Variants in ARHGAP24 observed in about 807,000 individuals in gnomAD.
ARHGAP24 encodes rho GTPase-activating protein 24.
Under a neutral mutation model 76.4 loss-of-function variants are expected in ARHGAP24, and 50 were observed. The ratio of observed to expected loss-of-function variants is 0.65; its 90% CI spans 0.52 to 0.83. The LOEUF is 0.83. Ranked by LOEUF, ARHGAP24 falls within the 40% of genes least tolerant of loss-of-function variation. The probability of loss-of-function intolerance (pLI) is 0.00; values close to 1 mark genes in which losing one functional copy is unlikely to be tolerated. For missense variants in ARHGAP24, 930 were observed against 914.2 expected (o/e 1.02, Z -0.22); for synonymous variants, 345 against 323.3 (o/e 1.07, Z -0.72).
intron 2 of ARHGAP24, among the ~76,000 whole-genome samples, chr4:85,604,888 A>G (rs1197865563): frequency 1.3e-5 from 2 of 152,124 alleles, no homozygotes; most frequent in African/African-American, 4.8e-5. Flanking sequence ...AATTTTTTGT[A>G]TTTTTAGTAG....
At chr4:85,550,527 A>C (rs1310026426) in intron 1 of ARHGAP24, among the ~76,000 whole-genome samples, 1 of 151,998 alleles carries the variant, frequency 6.6e-6, no homozygotes, top group Non-Finnish European at 1.5e-5. Context: ...TGGCTATTAA[A>C]TCTCTTATTT....
chr4:85,514,944 T>C (rs919643901), intron 1 of ARHGAP24, among the ~76,000 whole-genome samples: 1 of 150,398 alleles, frequency 6.6e-6, no homozygotes, highest in South Asian at 2.1e-4. Context: ...GGATCCATAG[T>C]GAAGACATGC....
Position 86,000,631 on chromosome 4 carries a change from A to T in ARHGAP24, c.2156A>T (p.Gln719Leu). 3 of 1,614,138 alleles carry T rather than the reference A, an allele frequency of 1.9e-6. No individual in the cohort carries two copies. The highest frequency in any genetic ancestry group is 2.5e-6 in the Non-Finnish European group (3 of 1,179,990). ...EDAEKRNDMLQKEMEQFFSTF... is the reference protein window; with the variant it reads ...EDAEKRNDMLLKEMEQFFSTF... ...GCCGAGAAAAGAAATGACATGCTAC[A>T]GAAAGAAATGGAGCAGTTTTTTTCC... The change falls in exon 10 of 10, where the codon CAG becomes CTG. Residue 719 changes from glutamine to leucine, a missense_variant. By Grantham distance (113) the Gln-to-Leu change is moderately radical (BLOSUM62 -2). Coordinates refer to ENST00000395184, the MANE Select transcript of ARHGAP24 (RefSeq NM_001025616.3).
chr4:85,860,258 G>A (rs555897607), intron 3 of ARHGAP24, among the ~76,000 whole-genome samples: 38 of 152,168 alleles, frequency 2.5e-4, no homozygotes, highest in African/African-American at 8.4e-4. Flanking sequence ...AGAGAGATGG[G>A]GGAGTCAGGG....
rs897538719 is a variant in ARHGAP24, at chr4:85,697,621, G to A, written c.181-24264G>A. ...TAGGATAATATAGTTCTATTAATAT[G>A]TTCTAGAAGACAGGTTAACATACTA... On this transcript the variant is annotated intron_variant, in intron 2 of 9. Coordinates refer to ENST00000395184, the MANE Select transcript of ARHGAP24 (RefSeq NM_001025616.3). 2.6e-5 allele frequency among the ~76,000 whole-genome samples: 4 copies of A among 152,192 alleles called. 1 individual carries two copies. The highest frequency in any genetic ancestry group is 2.6e-4 in the Admixed American group (4 of 15,280).
chr4:85,969,647 T>G (rs1165482185), intron 5 of ARHGAP24, among the ~76,000 whole-genome samples: 1 of 152,006 alleles, frequency 6.6e-6, no homozygotes, highest in Non-Finnish European at 1.5e-5. Context: ...CAAGCTGTGG[T>G]TTTTTTACTA....
At chr4:85,954,905 G>A (rs969390092) in intron 5 of ARHGAP24, among the ~76,000 whole-genome samples, 3 of 152,240 alleles carry the variant, frequency 2.0e-5, no homozygotes. Context: ...AGCTCCTCAG[G>A]AGGCTGAGGC....
intron 4 of ARHGAP24, chr4:85,931,053 A>G: frequency 6.2e-7 from 1 of 1,605,070 alleles, no homozygotes; most frequent in Non-Finnish European, 8.5e-7. Flanking sequence ...GTAGGTAGAT[A>G]ATATGTTCAT....
chr4:85,840,084 C>T (rs1323757742), intron 3 of ARHGAP24, among the ~76,000 whole-genome samples: 4 of 149,156 alleles, frequency 2.7e-5, no homozygotes, highest in African/African-American at 5.0e-5. Context: ...TCAGGCTGGC[C>T]TCAAACTCCT....
intron 2 of ARHGAP24, among the ~76,000 whole-genome samples, chr4:85,621,675 G>A (rs1455944349): frequency 1.3e-5 from 2 of 151,946 alleles, no homozygotes. Context: ...TCCTTCATCA[G>A]ATTTATAGTT....
In ARHGAP24 at chr4:85,995,640, T is replaced by C; in HGVS notation, c.1986T>C (p.Tyr662=). ...KQEMTKQKIE[Y]ESRIKSLEQR... is the part of the protein sequence containing the mutation. ...AAATGACCAAACAGAAGATAGAGTA[T>C]GAGTCCAGGATAAAGAGGTAAGGAA... is the stretch of plus-strand genomic sequence containing the variant. Residue 662 remains tyrosine (Y), a synonymous_variant, in exon 9 of 10, where the codon TAT becomes TAC. Coordinates refer to ENST00000395184, the MANE Select transcript of ARHGAP24 (RefSeq NM_001025616.3). The C allele has an allele frequency of 3.1e-6, 5 of 1,613,892 alleles. No individual in the cohort carries two copies. In the African/African-American group the frequency reaches 5.3e-5, roughly 17 times the overall value.
intron 1 of ARHGAP24, among the ~76,000 whole-genome samples, chr4:85,499,428 G>T (rs1423264823): frequency 6.6e-6 from 1 of 152,230 alleles, no homozygotes; most frequent in Non-Finnish European, 1.5e-5. Context: ...AAGTGGGAGA[G>T]AAATACTAGA....
At chr4:85,637,259 A>T (rs1721341574) in intron 2 of ARHGAP24, among the ~76,000 whole-genome samples, 1 of 152,042 alleles carries the variant, frequency 6.6e-6, no homozygotes, top group Admixed American at 6.6e-5. Flanking sequence ...CATAGTTCAG[A>T]TCCTCTAACA....
chr4:85,985,750 T>C (rs907562128), intron 8 of ARHGAP24, among the ~76,000 whole-genome samples: 2 of 152,200 alleles, frequency 1.3e-5, no homozygotes, highest in African/African-American at 4.8e-5. Flanking sequence ...AGATCAAATT[T>C]GTATTTGTGC....
chr4:85,824,779 T>C (rs948271486), intron 3 of ARHGAP24, among the ~76,000 whole-genome samples: 2 of 152,160 alleles, frequency 1.3e-5, no homozygotes, highest in Non-Finnish European at 1.5e-5. Context: ...AGGGCAATAC[T>C]AGCAGTAGTG....
chr4:85,976,149 T>A (rs1330777046), intron 7 of ARHGAP24, among the ~76,000 whole-genome samples: 1 of 152,212 alleles, frequency 6.6e-6, no homozygotes, highest in Non-Finnish European at 1.5e-5. Flanking sequence ...ATCTCCACAA[T>A]AGAAATGCCT....
chr4:85,633,843 C>T (rs1237845194), intron 2 of ARHGAP24, among the ~76,000 whole-genome samples: 2 of 151,824 alleles, frequency 1.3e-5, no homozygotes, highest in Non-Finnish European at 3.0e-5. Flanking sequence ...TTGCAGATTG[C>T]CTCTGCAACC....
chr4:85,827,874 A>C (rs1167793486), intron 3 of ARHGAP24: 2 of 1,286,516 alleles, frequency 1.6e-6, no homozygotes, highest in Non-Finnish European at 2.0e-6. Flanking sequence ...GTTGGGCTCG[A>C]ATGTGCTTTA....
intron 2 of ARHGAP24, among the ~76,000 whole-genome samples, chr4:85,593,084 G>A (rs1322820517): frequency 6.6e-6 from 1 of 151,996 alleles, no homozygotes; most frequent in Non-Finnish European, 1.5e-5. Flanking sequence ...GGCATATGAG[G>A]GTTCCTTTTT....
Sources: allele counts gnomAD v4.1 joint callset (sites outside exome capture counted in the v4.1 genomes callset), GRCh38; gene constraint gnomAD v4.1.1; transcripts MANE v1.5; gene names NCBI Gene and HGNC (gene_info 2026-07-23, HGNC 2026-07-21).